Variants in DOCK1 observed in about 807,000 individuals in gnomAD.
DOCK1 encodes dedicator of cytokinesis protein 1.
DOCK1 carries 138 observed loss-of-function variants against 262.7 expected under a neutral mutation model. The observed-to-expected ratio is 0.53, with a 90% confidence interval of 0.46 to 0.61. The LOEUF (loss-of-function observed/expected upper bound fraction) is 0.61, where lower values mean the gene tolerates loss of function less well. Ranked by LOEUF, DOCK1 falls within the 20% of genes least tolerant of loss-of-function variation. The pLI is 0.00. For synonymous variants in DOCK1, 866 were observed against 867.4 expected (o/e 1.00, Z 0.03); for missense variants, 1,908 against 2,370.7 (o/e 0.80, Z 4.05).
At chr10:127,440,794 G>A (rs1170036107) in intron 49 of DOCK1, among the ~76,000 whole-genome samples, 1 of 152,196 alleles carries the variant, frequency 6.6e-6, no homozygotes, top group Admixed American at 6.5e-5. Flanking sequence ...ATTCCCATGA[G>A]GGTGGCCGAG....
In DOCK1 at chr10:127,175,407, C is replaced by T. The variant is rs560549895; in HGVS notation, c.2847+47643C>T. 9.3e-6 allele frequency: 15 copies of T among 1,613,566 alleles called. No individual in the cohort carries two copies. The South Asian group carries it at 1.5e-4, about 17-fold the overall frequency. ...TGTGGGACTAGGCTGGTTCCCCAGCCCCGGCGGGGTGTGAGTCTGCGACGG... is the reference window on the plus strand; with the variant it reads ...TGTGGGACTAGGCTGGTTCCCCAGCTCCGGCGGGGTGTGAGTCTGCGACGG... On this transcript the variant is annotated intron_variant, in intron 27 of 51. Transcript: ENST00000623213. This position sits in a 1 kb window ranked among gnomAD's most constrained non-coding sequence, Gnocchi z 6.3.
intron 43 of DOCK1, among the ~76,000 whole-genome samples, chr10:127,414,204 C>T (rs1054625943): frequency 1.3e-5 from 2 of 152,176 alleles, no homozygotes; most frequent in African/African-American, 2.4e-5. Flanking sequence ...GAGCCCCCCA[C>T]GCTTGTCCCA....
chr10:127,212,779 A>G (rs1258474370), intron 27 of DOCK1, among the ~76,000 whole-genome samples: 1 of 150,284 alleles, frequency 6.7e-6, no homozygotes, highest in Non-Finnish European at 1.5e-5. Context: ...TTATTTTGTC[A>G]ACATTTTTTC....
intron 10 of DOCK1, among the ~76,000 whole-genome samples, chr10:127,006,871 T>C (rs2041066607): frequency 6.6e-6 from 1 of 151,862 alleles, no homozygotes; most frequent in Admixed American, 6.6e-5. Context: ...AGCTGGCATG[T>C]GAGGGTGGGC....
At chr10:126,959,840 G>A (rs1345114878) in intron 1 of DOCK1, among the ~76,000 whole-genome samples, 3 of 151,378 alleles carry the variant, frequency 2.0e-5, no homozygotes, top group South Asian at 4.2e-4. Flanking sequence ...TTTTTGAGTC[G>A]GAGTTTTGCT....
chr10:126,920,093 G>A (rs953326397), intron 1 of DOCK1, among the ~76,000 whole-genome samples: 8 of 152,280 alleles, frequency 5.3e-5, no homozygotes, highest in South Asian at 2.1e-4. Flanking sequence ...GCTCCATCCC[G>A]ATGGGCTTCC....
intron 25 of DOCK1, among the ~76,000 whole-genome samples, chr10:127,119,049 CTT>C (rs10655577): frequency 6.8e-6 from 1 of 146,036 alleles, no homozygotes; most frequent in Non-Finnish European, 1.5e-5. Flanking sequence ...AGGAATCAGG[CTT>C]TTTTTTTTTT....
At position 126,912,136 on chromosome 10, in the gene DOCK1, A is replaced by G. The variant is rs538491518; in HGVS notation, c.46+6573A>G. On this transcript the variant is annotated intron_variant, in intron 1 of 51. Coordinates refer to ENST00000623213, the MANE Select transcript of DOCK1 (RefSeq NM_001290223.2). ...CAGTGTCCTCATTTCCTCTTCTTAC[A>G]AGGCCACTATGGCCAGCCTCGGTGG... Among the ~76,000 whole-genome samples, 22 of 152,120 alleles carry G rather than the reference A, an allele frequency of 1.4e-4. 1 individual carries two copies. Among genetic ancestry groups the G allele is most frequent in the African/African-American group, 5.1e-4 (21 of 41,490 alleles).
At chr10:127,285,918 A>G (rs1475083852) in intron 29 of DOCK1, among the ~76,000 whole-genome samples, 1 of 152,140 alleles carries the variant, frequency 6.6e-6, no homozygotes. Context: ...AACTGATCTG[A>G]TATCATTGGG....
chr10:127,126,422 CT>C (rs74920375), intron 26 of DOCK1, among the ~76,000 whole-genome samples: 39,299 of 151,936 alleles, frequency 0.26, 5,559 homozygotes, highest in East Asian at 0.57. Context: ...CTTTCAGGGA[CT>C]TTTTTAAAAA....
intron 23 of DOCK1, among the ~76,000 whole-genome samples, chr10:127,065,400 A>G (rs1472125376): frequency 1.3e-5 from 2 of 152,030 alleles, no homozygotes; most frequent in Non-Finnish European, 2.9e-5. Flanking sequence ...TAAGGTTGTC[A>G]TGTTGCTGTG....
intron 27 of DOCK1, among the ~76,000 whole-genome samples, chr10:127,220,553 C>CCT (rs2058389187): frequency 6.6e-6 from 1 of 151,860 alleles, no homozygotes; most frequent in Non-Finnish European, 1.5e-5. Context: ...TCCAATTTTA[C>CCT]TGAGTGTCCT....
intron 1 of DOCK1, among the ~76,000 whole-genome samples, chr10:126,906,380 C>G (rs1450560556): frequency 6.6e-6 from 1 of 152,180 alleles, no homozygotes; most frequent in Non-Finnish European, 1.5e-5. Context: ...CCCGGGGACC[C>G]GCAGCCGGTC....
intron 29 of DOCK1, among the ~76,000 whole-genome samples, chr10:127,271,060 C>G (rs1183310647): frequency 6.6e-6 from 1 of 151,122 alleles, no homozygotes; most frequent in East Asian, 2.0e-4. Flanking sequence ...TATCTGTGTT[C>G]TAGATAAGAT....
Position 127,446,433 on chromosome 10 carries a change from C to T in DOCK1, c.5414-961C>T, listed in dbSNP as rs1565098618. Among the ~76,000 whole-genome samples, 1 of 152,018 alleles carries T rather than the reference C, an allele frequency of 6.6e-6. No individual in the cohort carries two copies. Among genetic ancestry groups the T allele is most frequent in the Non-Finnish European group, 1.5e-5 (1 of 68,006 alleles). The stretch of plus-strand genomic sequence containing the variant: ...ATGTGATTAATGCCACCAAATTGTC[C>T]CCTAAAGGATGGCTAAAATGGCAAA... On this transcript the variant is annotated intron_variant, in intron 50 of 51. Transcript: ENST00000623213. This position sits in a 1 kb window ranked among gnomAD's most constrained non-coding sequence, Gnocchi z 4.4.
intron 32 of DOCK1, among the ~76,000 whole-genome samples, chr10:127,361,605 T>C (rs570383211): frequency 6.6e-6 from 1 of 152,232 alleles, no homozygotes; most frequent in East Asian, 1.9e-4. Flanking sequence ...CTTCATAAGA[T>C]GTGGGAGATA....
At position 127,037,749 on chromosome 10, in the gene DOCK1, C is replaced by G; in HGVS notation, c.1943C>G (p.Ser648Cys). The stretch of plus-strand genomic sequence containing the variant: ...CTTCTGGGGCTCTTGAAATGGCGCT[C>G]CAACACCAGCCTGCTGCAGCAGAAC... ...VDLLGLLKWR[S>C]NTSLLQQNLR... The change falls in exon 19 of 52, where the codon TCC becomes TGC. Residue 648 changes from serine (S) to cysteine (C), a missense_variant. Physicochemically the swap from Ser to Cys is moderately radical, Grantham distance 112 (BLOSUM62 -1). Transcript: ENST00000623213. 2 of 1,595,744 alleles carry G rather than the reference C, an allele frequency of 1.3e-6. No homozygotes were observed. The highest frequency in any genetic ancestry group is 1.7e-6 in the Non-Finnish European group (2 of 1,170,940).
intron 1 of DOCK1, among the ~76,000 whole-genome samples, chr10:126,948,744 G>T (rs1346581109): frequency 9.9e-5 from 15 of 152,144 alleles, no homozygotes; most frequent in African/African-American, 2.6e-4. Flanking sequence ...ATCCAGCCTG[G>T]ATCCCAAGCT....
At position 126,970,773 on chromosome 10, in the gene DOCK1, G is replaced by C; in HGVS notation, c.118G>C (p.Glu40Gln). ...LQIGDTVHILETYEGWYRGYT... is the reference protein window; with the variant it reads ...LQIGDTVHILQTYEGWYRGYT... Reference sequence around the variant, plus strand: ...GATCGGAGACACTGTGCACATCTTAGAAACATATGAAGGTGCGTATGCATC... The same window carrying C: ...GATCGGAGACACTGTGCACATCTTACAAACATATGAAGGTGCGTATGCATC... Residue 40 changes from glutamate (E) to glutamine (Q), a missense_variant, in exon 2 of 52, where the codon GAA (glutamate) becomes CAA (glutamine). By Grantham distance (29) the Glu-to-Gln change is conservative (BLOSUM62 2). Around this residue, in one of 9 missense-constraint regions of DOCK1, gnomAD observed 227 missense variants for 254.1 expected, o/e 0.89. Transcript: ENST00000623213. 1 of 1,612,682 alleles carries C rather than the reference G, an allele frequency of 6.2e-7. No individual in the cohort carries two copies. The highest frequency in any genetic ancestry group is 8.5e-7 in the Non-Finnish European group (1 of 1,178,984).
Sources: gnomAD v4.1 joint callset for allele counts (sites outside exome capture counted in the v4.1 genomes callset) on GRCh38, gnomAD v4.1.1 for gene constraint, gnomAD v4.1.1 regional missense constraint, Gnocchi (gnomAD v3.1) non-coding constraint, MANE v1.5 for transcripts, NCBI Gene and HGNC (gene_info 2026-07-23, HGNC 2026-07-21) for gene names.